Variants in PDZD2 observed in about 807,000 individuals in gnomAD.
The protein encoded by PDZD2 is PDZ domain containing 2, also known as PDZ domain-containing protein 2.
In PDZD2, 90 loss-of-function variants were observed where a neutral mutation model predicts 220.7. The observed-to-expected ratio is 0.41, with a 90% CI of 0.34 to 0.49. PDZD2 has a LOEUF of 0.49. PDZD2 is among the 20% of genes least tolerant of loss of function. The pLI, the probability that PDZD2 is intolerant of heterozygous loss-of-function variation, is 0.28. For missense variants in PDZD2, 3,174 were observed against 3,608.5 expected, an observed-to-expected ratio of 0.88 and a Z score of 3.08; for synonymous variants, 1,375 against 1,450.5, an observed-to-expected ratio of 0.95 and a Z score of 1.18.
chr5:31,845,044 T>C (rs557644269), intron 2 of PDZD2, among the ~76,000 whole-genome samples: 12 of 152,162 alleles, frequency 7.9e-5, no homozygotes, highest in Non-Finnish European at 1.6e-4. Flanking sequence ...GAAGAAGATA[T>C]TGTTACCACG....
At chr5:31,828,199 T>C (rs1756347285) in intron 2 of PDZD2, among the ~76,000 whole-genome samples, 1 of 152,228 alleles carries the variant, frequency 6.6e-6, no homozygotes, top group African/African-American at 2.4e-5. Context: ...TTCTGTTGGA[T>C]ATATATGTAA....
At chr5:31,662,121 G>T (rs1345119043) in intron 1 of PDZD2, among the ~76,000 whole-genome samples, 1 of 152,000 alleles carries the variant, frequency 6.6e-6, no homozygotes, top group East Asian at 1.9e-4. Flanking sequence ...GACCAGCCTG[G>T]CCAACATGGT....
chr5:31,826,372 T>A (rs542150369), intron 2 of PDZD2, among the ~76,000 whole-genome samples: 1 of 152,158 alleles, frequency 6.6e-6, no homozygotes, highest in Non-Finnish European at 1.5e-5. Context: ...CTCCCTTTTA[T>A]TTTTTACAAG....
intron 1 of PDZD2, among the ~76,000 whole-genome samples, chr5:31,707,749 C>T (rs2150137150): frequency 6.6e-6 from 1 of 152,238 alleles, no homozygotes; most frequent in East Asian, 1.9e-4. Flanking sequence ...GTCTCAGCCT[C>T]CTGAGTAGCT....
intron 1 of PDZD2, among the ~76,000 whole-genome samples, chr5:31,691,592 C>T (rs1390680672): frequency 2.0e-5 from 3 of 148,852 alleles, no homozygotes. Flanking sequence ...TCTGGCGCCA[C>T]CTGCTTTTAT....
chr5:31,825,173 G>C (rs893976940), intron 2 of PDZD2, among the ~76,000 whole-genome samples: 1 of 152,178 alleles, frequency 6.6e-6, no homozygotes, highest in Non-Finnish European at 1.5e-5. Flanking sequence ...TCAAGCCAGT[G>C]AGAGACCACG....
chr5:32,055,837 G>T (rs909509066), intron 10 of PDZD2, among the ~76,000 whole-genome samples: 1 of 152,170 alleles, frequency 6.6e-6, no homozygotes, highest in African/African-American at 2.4e-5. Context: ...GGTGGTGTTT[G>T]TGTTGAGTTT....
chr5:31,901,396 T>TCACTCCA (rs1742083622), intron 2 of PDZD2, among the ~76,000 whole-genome samples: 2 of 145,466 alleles, frequency 1.4e-5, no homozygotes, highest in Non-Finnish European at 3.0e-5. Context: ...CCAGCCTGGG[T>TCACTCCA]GACAGAGCGA....
At chr5:31,835,729 T>C (rs1175962714) in intron 2 of PDZD2, among the ~76,000 whole-genome samples, 6 of 152,212 alleles carry the variant, frequency 3.9e-5, no homozygotes, top group Non-Finnish European at 5.9e-5. Context: ...TCTTGATTTC[T>C]AGAGCTGATG....
chr5:31,683,695 AATTT>A (rs1746740313), intron 1 of PDZD2, among the ~76,000 whole-genome samples: 1 of 152,172 alleles, frequency 6.6e-6, no homozygotes, highest in South Asian at 2.1e-4. Flanking sequence ...GACGTTTGAT[AATTT>A]ATTTAACCAG....
At chr5:31,682,882 C>T (rs932726314) in intron 1 of PDZD2, among the ~76,000 whole-genome samples, 1 of 152,196 alleles carries the variant, frequency 6.6e-6, no homozygotes, top group African/African-American at 2.4e-5. Context: ...CATAAGCTTA[C>T]GCAGAAAGAC....
At chr5:31,816,219 C>T (rs542193832) in intron 2 of PDZD2, among the ~76,000 whole-genome samples, 1 of 147,794 alleles carries the variant, frequency 6.8e-6, no homozygotes, top group East Asian at 2.0e-4. Flanking sequence ...ACCCGGGAGG[C>T]GGAGCTTGCA....
chr5:31,849,965 CATATATATATATACATATAT>C lies in PDZD2; in HGVS notation c.476+50249_476+50268del, dbSNP rs1757881562. Among the ~76,000 whole-genome samples the C allele has an allele frequency of 6.4e-5, 2 of 31,184 alleles. 1 individual carries two copies. The highest frequency in any genetic ancestry group is 4.3e-4 in the African/African-American group (2 of 4,642). The allele number at this position is 31,184 out of a possible 152,430, so 20.5% of individuals were successfully genotyped here. A position where few individuals can be genotyped will look rare whatever the true frequency, so the allele number is the denominator to read the frequency against. On this transcript the variant is annotated intron_variant, in intron 2 of 24. Transcript: ENST00000438447. ...ATATATATACATATATATATATACACATATATATATATACATATATATATATACACATATATATATATACA... is the reference window on the plus strand; with the variant it reads ...ATATATATACATATATATATATACACATATATACACATATATATATATACA...
At chr5:31,744,713 A>C (rs1221311647) in intron 1 of PDZD2, among the ~76,000 whole-genome samples, 1 of 152,240 alleles carries the variant, frequency 6.6e-6, no homozygotes, top group Non-Finnish European at 1.5e-5. Context: ...TTATTTCAGA[A>C]GGTTTTAGTG....
chr5:32,050,978 TTTTTAA>T (rs1273815995), intron 8 of PDZD2, among the ~76,000 whole-genome samples: 2 of 152,124 alleles, frequency 1.3e-5, no homozygotes, highest in Non-Finnish European at 2.9e-5. Context: ...GGGGGGTGTA[TTTTTAA>T]TTTTAATTAA....
chr5:31,684,159 T>C (rs1308651409), intron 1 of PDZD2, among the ~76,000 whole-genome samples: 1 of 152,170 alleles, frequency 6.6e-6, no homozygotes, highest in Non-Finnish European at 1.5e-5. Context: ...ACAGGTGAGC[T>C]CCATCCTCCT....
intron 2 of PDZD2, among the ~76,000 whole-genome samples, chr5:31,981,559 G>C (rs1030748762): frequency 3.9e-5 from 6 of 152,208 alleles, no homozygotes; most frequent in Non-Finnish European, 7.3e-5. Flanking sequence ...CAAGATCCCA[G>C]AAGGCATGTT....
At chr5:32,078,241 A>G (rs1224251601) in intron 19 of PDZD2, among the ~76,000 whole-genome samples, 2 of 152,238 alleles carry the variant, frequency 1.3e-5, no homozygotes, top group African/African-American at 4.8e-5. Flanking sequence ...AATGGCAACA[A>G]AAACCTCCAC....
chr5:31,755,107 G>A (rs1490385500), intron 1 of PDZD2, among the ~76,000 whole-genome samples: 8 of 152,190 alleles, frequency 5.3e-5, no homozygotes, highest in Non-Finnish European at 8.8e-5. Flanking sequence ...ACCCGTGGCC[G>A]ACTGATGGCC....
Sources: gnomAD v4.1 joint callset for allele counts (sites outside exome capture counted in the v4.1 genomes callset) on GRCh38, gnomAD v4.1.1 for gene constraint, MANE v1.5 for transcripts, NCBI Gene and HGNC (gene_info 2026-07-23, HGNC 2026-07-21) for gene names.